CLOCK: variants seen among roughly 807,000 people sequenced by gnomAD.
CLOCK encodes the protein clock circadian regulator.
In CLOCK, 43 loss-of-function variants were observed where a neutral mutation model predicts 118.4. That is an observed-to-expected ratio of 0.36 (90% confidence interval 0.28 to 0.47). The LOEUF (loss-of-function observed/expected upper bound fraction) is 0.47, where lower values mean the gene tolerates loss of function less well. Ranked by LOEUF, CLOCK falls within the 20% of genes least tolerant of loss-of-function variation. CLOCK has a pLI of 1.00. For synonymous variants in CLOCK, 326 were observed against 339.2 expected (o/e 0.96, Z 0.43); for missense variants, 846 against 999.9 (o/e 0.85, Z 2.08).
chr4:55,523,649 G>A (rs1729982843), intron 1 of CLOCK, among the ~76,000 whole-genome samples: 1 of 152,062 alleles, frequency 6.6e-6, no homozygotes, highest in South Asian at 2.1e-4. Context: ...ATCCTGTACT[G>A]CTTCCAGGTT....
intron 21 of CLOCK, among the ~76,000 whole-genome samples, chr4:55,439,140 A>G (rs975014340): frequency 6.6e-6 from 1 of 152,182 alleles, no homozygotes; most frequent in South Asian, 2.1e-4. Context: ...AGTAACCAGA[A>G]TGTCTAAGAG....
intron 2 of CLOCK, among the ~76,000 whole-genome samples, chr4:55,500,408 A>C (rs1728357937): frequency 6.6e-6 from 1 of 152,128 alleles, no homozygotes; most frequent in African/African-American, 2.4e-5. Flanking sequence ...CAGTGGTGTG[A>C]ACACAGCTCA....
At chr4:55,506,249 T>C (rs1407870654) in intron 2 of CLOCK, among the ~76,000 whole-genome samples, 1 of 152,170 alleles carries the variant, frequency 6.6e-6, no homozygotes, top group African/African-American at 2.4e-5. Context: ...GGCCTAACTA[T>C]GTTGCCCAGG....
Position 55,503,481 on chromosome 4 carries a change from G to A in CLOCK, c.-136+6431C>T, listed in dbSNP as rs138115671. On this transcript the variant is annotated intron_variant, in intron 2 of 22. Coordinates refer to ENST00000513440, the MANE Select transcript of CLOCK (RefSeq NM_004898.4). ...GCATGAAGGAGGCTCCTGGGTTGAC[G>A]AAAATGTCCTATATCTTATTCTTGA... is the stretch of plus-strand genomic sequence containing the variant. Among the ~76,000 whole-genome samples, 133 of 152,240 alleles carry A rather than the reference G, an allele frequency of 8.7e-4. 1 individual carries two copies. The highest frequency in any genetic ancestry group is 3.0e-3 in the African/African-American group (125 of 41,530).
intron 13 of CLOCK, among the ~76,000 whole-genome samples, chr4:55,454,853 C>T (rs923575702): frequency 6.8e-6 from 1 of 146,822 alleles, no homozygotes; most frequent in Non-Finnish European, 1.5e-5. Context: ...TCTGTCCCCC[C>T]ACCCCCCAAC....
intron 1 of CLOCK, among the ~76,000 whole-genome samples, chr4:55,543,745 T>C (rs1225216854): frequency 6.6e-6 from 1 of 151,336 alleles, no homozygotes; most frequent in African/African-American, 2.4e-5. Flanking sequence ...GCCACTGCAC[T>C]CCGGCCTGGT....
chr4:55,524,660 T>G (rs532286031), intron 1 of CLOCK, among the ~76,000 whole-genome samples: 2 of 152,246 alleles, frequency 1.3e-5, no homozygotes, highest in African/African-American at 4.8e-5. Flanking sequence ...ATAAAATTTC[T>G]ATTGGACAAT....
At chr4:55,487,123 C>T (rs562211103) in intron 3 of CLOCK, among the ~76,000 whole-genome samples, 100 of 152,206 alleles carry the variant, frequency 6.6e-4, no homozygotes, top group Middle Eastern at 3.4e-3. Context: ...TACTGTTTCT[C>T]GTTCATACTT....
At chr4:55,473,637 C>T (rs1726295547) in intron 7 of CLOCK, among the ~76,000 whole-genome samples, 1 of 152,064 alleles carries the variant, frequency 6.6e-6, no homozygotes, top group Admixed American at 6.6e-5. Context: ...CTTTATTGAA[C>T]TTCAGTTACT....
intron 8 of CLOCK, among the ~76,000 whole-genome samples, chr4:55,465,889 C>T (rs936000611): frequency 6.6e-6 from 1 of 152,070 alleles, no homozygotes; most frequent in African/African-American, 2.4e-5. Context: ...GAGGCAGAGG[C>T]TGCAGTGAGC....
intron 18 of CLOCK, among the ~76,000 whole-genome samples, chr4:55,445,403 T>C (rs906744420): frequency 6.6e-6 from 1 of 151,960 alleles, no homozygotes; most frequent in Admixed American, 6.6e-5. Context: ...GTCAGTGAAC[T>C]TCTCTATTAT....
intron 18 of CLOCK, among the ~76,000 whole-genome samples, 191 bp downstream of exon 18, chr4:55,448,588 G>GCACGCA (rs776897100): frequency 1.2e-5 from 1 of 80,084 alleles, no homozygotes; most frequent in African/African-American, 3.8e-5. Context: ...ATATGTGCGC[G>GCACGCA]CGCGCACGCG....
At chr4:55,442,168 T>A in intron 21 of CLOCK, 1 of 440,034 alleles carries the variant, frequency 2.3e-6, no homozygotes, top group Non-Finnish European at 4.1e-6. Context: ...CATAAACCTT[T>A]TCTAACAGTG....
At chr4:55,477,934 A>G (rs953399937) in intron 6 of CLOCK, among the ~76,000 whole-genome samples, 2 of 152,120 alleles carry the variant, frequency 1.3e-5, no homozygotes, top group Admixed American at 6.6e-5. Flanking sequence ...GCGGTATAAG[A>G]AAAAGCTATT....
At chr4:55,520,540 C>G (rs1729792206) in intron 1 of CLOCK, among the ~76,000 whole-genome samples, 1 of 152,084 alleles carries the variant, frequency 6.6e-6, no homozygotes, top group Non-Finnish European at 1.5e-5. Flanking sequence ...ACACAGGTAT[C>G]CCACAGCTTC....
In CLOCK at chr4:55,449,391, C is replaced by T. The variant is rs1196685030; in HGVS notation, c.1449+5G>A. The stretch of plus-strand genomic sequence containing the variant: ...ATTCAGAAGAATATCCACTAAAGAG[C>T]TTACCTGACTACTAAATGATGACCT... On this transcript the variant is annotated splice_donor_5th_base_variant and intron_variant, in intron 17 of 22. Coordinates refer to ENST00000513440, the MANE Select transcript of CLOCK (RefSeq NM_004898.4). The T allele has an allele frequency of 1.2e-6, 2 of 1,610,212 alleles. No homozygotes were observed. The highest frequency in any genetic ancestry group is 4.5e-5 in the East Asian group (2 of 44,788).
At chr4:55,494,224 C>A (rs187602411) in intron 2 of CLOCK, among the ~76,000 whole-genome samples, 1 of 152,052 alleles carries the variant, frequency 6.6e-6, no homozygotes, top group East Asian at 1.9e-4. Context: ...TGAAGCTATA[C>A]GACTCTACAC....
chr4:55,468,998 T>C (rs1300047234), intron 8 of CLOCK, among the ~76,000 whole-genome samples: 1 of 152,194 alleles, frequency 6.6e-6, no homozygotes, highest in African/African-American at 2.4e-5. Context: ...ACAAACCTAC[T>C]GTGCCACCAA....
In CLOCK at chr4:55,438,233, T is replaced by C. The variant is rs562738821; in HGVS notation, c.2361+49A>G. On this transcript the variant is annotated intron_variant, in intron 22 of 22. Transcript: ENST00000513440. The stretch of plus-strand genomic sequence containing the variant: ...CTGTTCACTTAATGCTTAATTTCAT[T>C]ACATGAAAGTAAATGAGTTTGAAGC... The C allele has an allele frequency of 8.2e-6, 13 of 1,588,686 alleles. No homozygotes were observed. The South Asian group carries it at 1.1e-4, about 14-fold the overall frequency.
Sources: allele counts gnomAD v4.1 joint callset (sites outside exome capture counted in the v4.1 genomes callset), GRCh38; gene constraint gnomAD v4.1.1; transcripts MANE v1.5; gene names NCBI Gene and HGNC (gene_info 2026-07-23, HGNC 2026-07-21).